The following ZNF140 variants were observed in gnomAD, a reference collection of about 807,000 sequenced individuals.
The protein encoded by ZNF140 is zinc finger protein 140.
A neutral mutation model predicts 12.9 loss-of-function variants in ZNF140; 13 were observed. The observed-to-expected ratio is 1.01, with a 90% CI of 0.66 to 1.60. The LOEUF (loss-of-function observed/expected upper bound fraction) is 1.60, where lower values mean the gene tolerates loss of function less well. Among genes scored for constraint, ZNF140 ranks in the 40% most tolerant of loss-of-function variants. The probability of loss-of-function intolerance (pLI) is 0.00; values close to 1 mark genes in which losing one functional copy is unlikely to be tolerated. For synonymous variants in ZNF140, 214 were observed against 186.7 expected (o/e 1.15, Z -1.19); for missense variants, 531 against 548.8 (o/e 0.97, Z 0.32).
At chr12:133,104,430 C>T (rs1158087449) in intron 4 of ZNF140, among the ~76,000 whole-genome samples, 1 of 151,766 alleles carries the variant, frequency 6.6e-6, no homozygotes, top group Non-Finnish European at 1.5e-5. Flanking sequence ...CGGTTCACCG[C>T]AACCTCTGCC....
intron 4 of ZNF140, among the ~76,000 whole-genome samples, chr12:133,093,079 G>T (rs1166193275): frequency 6.6e-6 from 1 of 151,126 alleles, no homozygotes; most frequent in African/African-American, 2.5e-5. Flanking sequence ...ACCAATTTTG[G>T]ATTGTAGGCA....
intron 4 of ZNF140, chr12:133,101,140 G>T: frequency 4.0e-6 from 1 of 252,022 alleles, no homozygotes; most frequent in Middle Eastern, 1.2e-3. Context: ...AGGGGTTTTT[G>T]TGAGGGGCGA....
chr12:133,106,153 G>C lies in ZNF140; in HGVS notation c.876G>C (p.Gln292His), dbSNP rs765672237. The C allele has an allele frequency of 6.8e-6, 11 of 1,614,166 alleles. No homozygotes were observed. The highest frequency in any genetic ancestry group is 2.2e-5 in the South Asian group (2 of 91,086). ...GTGGCTCAGAACTCATTCGCCACCA[G>C]ATTACACATACTGGAGAGAAACCTT... ...FSSGSELIRH[Q>H]ITHTGEKPYE... is the part of the protein sequence containing the mutation. Residue 292 changes from glutamine (Q) to histidine (H), a missense_variant, in exon 5 of 5, where the codon CAG (glutamine) becomes CAC (histidine). Gln to His is a conservative substitution (Grantham distance 24). Transcript: ENST00000355557.
In ZNF140 at chr12:133,091,426, TAAC is replaced by T. The variant is rs374125612; in HGVS notation, c.232+7870_232+7872del. Among the ~76,000 whole-genome samples, 8 of 151,476 alleles carry T rather than the reference TAAC, an allele frequency of 5.3e-5. No homozygotes were observed. The East Asian group carries it at 9.7e-4, about 18-fold the overall frequency. On this transcript the variant is annotated intron_variant, in intron 4 of 4. Transcript: ENST00000355557. ...AAAGTGGCTGGGGAAAGCTACAAAT[TAAC>T]AACATCTCAGCAAAGCAATTGTTTA... is the stretch of plus-strand genomic sequence containing the variant.
chr12:133,090,747 T>C (rs912616652), intron 4 of ZNF140, among the ~76,000 whole-genome samples: 1 of 146,710 alleles, frequency 6.8e-6, no homozygotes, highest in East Asian at 1.9e-4. Flanking sequence ...CAAAAAGGAA[T>C]GTAGTAGGAG....
At chr12:133,100,187 T>TTTTTTTTTTG (rs1955293333) in intron 4 of ZNF140, among the ~76,000 whole-genome samples, 2 of 129,594 alleles carry the variant, frequency 1.5e-5, no homozygotes, top group Non-Finnish European at 3.3e-5. Context: ...TTTTTTTTTT[T>TTTTTTTTTTG]GGCAGGGTCT....
chr12:133,102,952 T>C (rs1292802810), intron 4 of ZNF140, among the ~76,000 whole-genome samples: 6 of 149,472 alleles, frequency 4.0e-5, no homozygotes, highest in Non-Finnish European at 7.4e-5. Flanking sequence ...ATTGTTTTGA[T>C]TGTGTTTTTT....
At chr12:133,088,095 A>C (rs997728510) in intron 4 of ZNF140, among the ~76,000 whole-genome samples, 1 of 151,306 alleles carries the variant, frequency 6.6e-6, no homozygotes, top group African/African-American at 2.4e-5. Flanking sequence ...ATGCCATTGC[A>C]CTCCGGCCTG....
rs1955561957 is a variant in ZNF140 at position 133,105,566 on chromosome 12, G to T, written c.289G>T (p.Asp97Tyr). ...TTCACCAAAAAATGTCATTTATGATGACTCATCCCAGTATTTGATCATGGA... is the reference window on the plus strand; with the variant it reads ...TTCACCAAAAAATGTCATTTATGATTACTCATCCCAGTATTTGATCATGGA... The part of the protein sequence containing the change: ...DFSPKNVIYD[D>Y]SSQYLIMERI... Residue 97 changes from aspartate (D) to tyrosine (Y), a missense_variant, in exon 5 of 5, where the codon GAC (aspartate) becomes TAC (tyrosine). Asp to Tyr is a radical substitution (Grantham distance 160). Transcript: ENST00000355557. 1 of 1,613,380 alleles carries T rather than the reference G, an allele frequency of 6.2e-7. No homozygotes were observed. Among genetic ancestry groups the T allele is most frequent in the Non-Finnish European group, 8.5e-7 (1 of 1,179,894 alleles).
At position 133,103,301 on chromosome 12, in the gene ZNF140, C is replaced by A. The variant is rs1181048695; in HGVS notation, c.233-2209C>A. Among the ~76,000 whole-genome samples, 6 of 152,278 alleles carry A rather than the reference C, an allele frequency of 3.9e-5. No homozygotes were observed. In the East Asian group the frequency reaches 1.2e-3, roughly 29 times the overall value. On this transcript the variant is annotated intron_variant, in intron 4 of 4. Transcript: ENST00000355557. ...ATCTAACAATAACATCTTACCTGTCCAACACCCCCTTTGTTTTAAGACAGG... is the reference window on the plus strand; with the variant it reads ...ATCTAACAATAACATCTTACCTGTCAAACACCCCCTTTGTTTTAAGACAGG...
intron 4 of ZNF140, among the ~76,000 whole-genome samples, chr12:133,104,005 A>G (rs1955465849): frequency 6.6e-6 from 1 of 152,204 alleles, no homozygotes; most frequent in Admixed American, 6.5e-5. Context: ...ATCTTGATCC[A>G]TTATTGAGAT....
intron 4 of ZNF140, chr12:133,084,216 T>C (rs1954598591): frequency 2.4e-6 from 1 of 415,606 alleles, no homozygotes; most frequent in South Asian, 1.8e-5. Flanking sequence ...ACATTTCTAT[T>C]GCCTGAATTC....
chr12:133,104,637 C>T (rs1955512164), intron 4 of ZNF140, among the ~76,000 whole-genome samples: 1 of 152,146 alleles, frequency 6.6e-6, no homozygotes, highest in African/African-American at 2.4e-5. Flanking sequence ...AGGCGTGAGC[C>T]ACTGCGCCCG....
chr12:133,082,794 T>C (rs1954547407), intron 2 of ZNF140: 1 of 229,690 alleles, frequency 4.4e-6, no homozygotes, highest in Non-Finnish European at 8.8e-6. Context: ...AAAGGAATAC[T>C]GTAAAATCTT....
chr12:133,083,412 C>T (rs1954567975), intron 3 of ZNF140, 54 bp from the exon 4 acceptor site: 7 of 1,566,502 alleles, frequency 4.5e-6, no homozygotes, highest in East Asian at 2.3e-5. Flanking sequence ...TCCTTTGTGG[C>T]CCCTCTTAGG....
Position 133,095,262 on chromosome 12 carries a change from C to G in ZNF140, c.233-10248C>G, listed in dbSNP as rs942848129. Among the ~76,000 whole-genome samples the G allele has an allele frequency of 8.3e-3, 1,247 of 151,056 alleles. 80 individuals are homozygous for G. The highest frequency in any genetic ancestry group is 0.03 in the African/African-American group (1,205 of 40,758). On this transcript the variant is annotated intron_variant, in intron 4 of 4. Transcript: ENST00000355557. ...GATTTTCTGTAGAAGCTTTAACTCC[C>G]CCTCTTCTTAAGAGAATTTTAATGA...
In ZNF140 at chr12:133,104,225, C is replaced by G. The variant is rs368780100; in HGVS notation, c.233-1285C>G. Among the ~76,000 whole-genome samples the G allele has an allele frequency of 2.4e-4, 36 of 152,298 alleles. No homozygotes were observed. In the East Asian group the frequency reaches 6.0e-3, roughly 25 times the overall value. ...ATGTTCACATTCACCTTTGCTTGTA[C>G]ACATTTGCCTTATCATTTGGCATAT... On this transcript the variant is annotated intron_variant, in intron 4 of 4. Transcript: ENST00000355557.
Position 133,087,273 on chromosome 12 carries a change from C to T in ZNF140, c.232+3712C>T, listed in dbSNP as rs982637737. On this transcript the variant is annotated intron_variant, in intron 4 of 4. Transcript: ENST00000355557. ...CTGAGAAGTCGTGGTTGACATTAGT[C>T]TTTTTGGTGGTATGATTGTTTCCTT... Among the ~76,000 whole-genome samples the T allele has an allele frequency of 2.0e-5, 3 of 151,080 alleles. No homozygotes were observed. In the East Asian group the frequency reaches 5.8e-4, roughly 29 times the overall value.
rs1020466821 is a variant in ZNF140 at position 133,106,928 on chromosome 12, G to A, written c.*277G>A. Reference sequence around the variant, plus strand: ...GGTAATGTTGAGAAGACTTCATTTGGTAGGAGTCCCTTACTTTACGTGTGT... The same window carrying A: ...GGTAATGTTGAGAAGACTTCATTTGATAGGAGTCCCTTACTTTACGTGTGT... On this transcript the variant is annotated 3_prime_UTR_variant, in exon 5 of 5. Coordinates refer to ENST00000355557, the MANE Select transcript of ZNF140 (RefSeq NM_003440.4). 31 of 257,620 alleles carry A rather than the reference G, an allele frequency of 1.2e-4. No homozygotes were observed. Among genetic ancestry groups the A allele is most frequent in the African/African-American group, 6.3e-4 (28 of 44,444 alleles). The allele number at this position is 257,620 out of a possible 1,614,324, so 16.0% of individuals were successfully genotyped here. A position where few individuals can be genotyped will look rare whatever the true frequency, so the allele number is the denominator to read the frequency against.
Sources: allele counts gnomAD v4.1 joint callset (sites outside exome capture counted in the v4.1 genomes callset), GRCh38; gene constraint gnomAD v4.1.1; transcripts MANE v1.5; gene names NCBI Gene and HGNC (gene_info 2026-07-23, HGNC 2026-07-21).